FRS2: variants seen among roughly 807,000 people sequenced by gnomAD.
The protein encoded by FRS2 is fibroblast growth factor receptor substrate 2, also known as FGFR signalling adaptor.
In FRS2, 8 loss-of-function variants were observed where a neutral mutation model predicts 43.9. The ratio of observed to expected loss-of-function variants is 0.18; its 90% confidence interval spans 0.11 to 0.33. The LOEUF (loss-of-function observed/expected upper bound fraction) is 0.33, where lower values mean the gene tolerates loss of function less well. Among genes scored for constraint, FRS2 ranks in the 10% least tolerant of loss-of-function variants. The pLI, the probability that FRS2 is intolerant of heterozygous loss-of-function variation, is 1.00. For missense variants in FRS2, 534 were observed against 627.6 expected (o/e 0.85, Z 1.59); for synonymous variants, 219 against 220.3 (o/e 0.99, Z 0.05).
At chr12:69,490,290 A>G (rs1872354739) in intron 1 of FRS2, among the ~76,000 whole-genome samples, 1 of 152,216 alleles carries the variant, frequency 6.6e-6, no homozygotes, top group African/African-American at 2.4e-5. Context: ...AACATTTAAA[A>G]ATTAGCTTGA....
In FRS2 at chr12:69,577,987, T is replaced by TC. The variant is rs573232647; in HGVS notation, c.*3037dup. On this transcript the variant is annotated 3_prime_UTR_variant, in exon 9 of 9. Coordinates refer to ENST00000549921, the MANE Select transcript of FRS2 (RefSeq NM_001278356.2). The stretch of plus-strand genomic sequence containing the variant: ...ACAAGTCAAGCTAGTGTTTATCTCC[T>TC]CCCCCTCCCCAAAACTGTGGCACAG... 11 of 152,430 alleles carry TC rather than the reference T, an allele frequency of 7.2e-5. No individual in the cohort carries two copies. The highest frequency in any genetic ancestry group is 1.3e-4 in the Non-Finnish European group (9 of 67,968). The allele number at this position is 152,430 out of a possible 1,614,324, so 9.4% of individuals were successfully genotyped here. A position where few individuals can be genotyped will look rare whatever the true frequency, so the allele number is the denominator to read the frequency against.
intron 3 of FRS2, among the ~76,000 whole-genome samples, chr12:69,552,848 C>T (rs1224206256): frequency 6.6e-6 from 1 of 150,710 alleles, no homozygotes; most frequent in Non-Finnish European, 1.5e-5. Flanking sequence ...GCCAAGATCG[C>T]ACTGTTGCGC....
In FRS2 at chr12:69,579,195, C is replaced by CT. The variant is rs1881393345; in HGVS notation, c.*4245dup. 1 of 152,572 alleles carries CT rather than the reference C, an allele frequency of 6.6e-6. No individual in the cohort carries two copies. The highest frequency in any genetic ancestry group is 2.4e-5 in the African/African-American group (1 of 41,430). The allele number at this position is 152,572 out of a possible 1,614,324, so 9.5% of individuals were successfully genotyped here. On this transcript the variant is annotated 3_prime_UTR_variant, in exon 9 of 9. Transcript: ENST00000549921. Reference sequence around the variant, plus strand: ...ACTTTTACACTGAGGCCGAGTGTGGCTTTTTGGAGGAAGTGGGGATGGGAC... The same window carrying CT: ...ACTTTTACACTGAGGCCGAGTGTGGCTTTTTTGGAGGAAGTGGGGATGGGAC...
At chr12:69,557,622 GCGCGCGCGCGCGCGCAGGTGCATGCA>G (rs1483393176) in intron 3 of FRS2, among the ~76,000 whole-genome samples, 10 of 140,796 alleles carry the variant, frequency 7.1e-5, no homozygotes, top group African/African-American at 1.6e-4. Flanking sequence ...GTGTGTGTGC[GCGCGCGCGCGCGCGCAGGTGCATGCA>G]CGCTAGGATT....
rs1480984247 is a variant in FRS2, at chr12:69,574,267, G to A, written c.839G>A (p.Gly280Glu). 2 of 1,614,078 alleles carry A rather than the reference G, an allele frequency of 1.2e-6. No homozygotes were observed. Among genetic ancestry groups the A allele is most frequent in the African/African-American group, 2.7e-5 (2 of 74,934 alleles). The change falls in exon 9 of 9, where the codon GGA (glycine) becomes GAA (glutamate). Residue 280 changes from glycine (G) to glutamate (E), a missense_variant. By Grantham distance (98) the Gly-to-Glu change is moderately conservative (BLOSUM62 -2). This residue lies in a region of FRS2 where 446 missense variants were observed against 494.2 expected (regional missense o/e 0.90). Coordinates refer to ENST00000549921, the MANE Select transcript of FRS2 (RefSeq NM_001278356.2). ...GGAAGAGATCAAGTTAGTGGAAGTGGAGCAAATAACACAGAATGGGACACT... is the reference window on the plus strand; with the variant it reads ...GGAAGAGATCAAGTTAGTGGAAGTGAAGCAAATAACACAGAATGGGACACT... ...QLGRDQVSGSGANNTEWDTGY... is the reference protein window; with the variant it reads ...QLGRDQVSGSEANNTEWDTGY...
intron 1 of FRS2, among the ~76,000 whole-genome samples, chr12:69,525,293 A>C (rs1324972241): frequency 6.6e-6 from 1 of 151,980 alleles, no homozygotes; most frequent in African/African-American, 2.4e-5. Context: ...TGCATTATTC[A>C]TACTGTTTGT....
chr12:69,498,519 T>TTGTGTGTTTGTGTGTGTGTGTG (rs1873118540), intron 1 of FRS2, among the ~76,000 whole-genome samples: 1 of 141,502 alleles, frequency 7.1e-6, no homozygotes, highest in Non-Finnish European at 1.5e-5. Flanking sequence ...TTATGAGGGT[T>TTGTGTGTTTGTGTGTGTGTGTG]TGTGTGTGTG....
intron 1 of FRS2, among the ~76,000 whole-genome samples, chr12:69,486,725 A>G (rs923911421): frequency 6.6e-6 from 1 of 152,254 alleles, no homozygotes; most frequent in Non-Finnish European, 1.5e-5. Flanking sequence ...GTGAACATCC[A>G]GATGATAAGA....
At chr12:69,544,319 A>G (rs1428482502) in intron 3 of FRS2, among the ~76,000 whole-genome samples, 1 of 152,176 alleles carries the variant, frequency 6.6e-6, no homozygotes, top group Non-Finnish European at 1.5e-5. Context: ...AAAAGAATGA[A>G]TGGGAGAAAA....
At chr12:69,497,782 C>G (rs221105) in intron 1 of FRS2, among the ~76,000 whole-genome samples, 14,205 of 152,180 alleles carry the variant, frequency 0.093, 875 homozygotes, top group Non-Finnish European at 0.14. Flanking sequence ...TTACTGTATT[C>G]AAGGAACTGC....
intron 1 of FRS2, among the ~76,000 whole-genome samples, chr12:69,505,059 A>G (rs1032171637): frequency 6.6e-6 from 1 of 152,198 alleles, no homozygotes; most frequent in Non-Finnish European, 1.5e-5. Flanking sequence ...GAGTCTCAGT[A>G]TATTGCTTTG....
chr12:69,558,342 A>G (rs1251954803), intron 3 of FRS2, among the ~76,000 whole-genome samples: 2 of 152,234 alleles, frequency 1.3e-5, no homozygotes, highest in African/African-American at 4.8e-5. Context: ...TTCTGCCTCC[A>G]TGGGAAAGTA....
intron 1 of FRS2, among the ~76,000 whole-genome samples, chr12:69,509,510 AGT>A (rs889088264): frequency 6.6e-6 from 1 of 152,226 alleles, no homozygotes; most frequent in African/African-American, 2.4e-5. Flanking sequence ...TAAGTACATT[AGT>A]GTGCAATAAT....
At chr12:69,473,635 G>A (rs1057392033) in intron 1 of FRS2, among the ~76,000 whole-genome samples, 10 of 152,172 alleles carry the variant, frequency 6.6e-5, no homozygotes, top group Admixed American at 2.6e-4. Context: ...AAAGTTCGAC[G>A]TTTGGGAGGT....
At chr12:69,548,145 A>G (rs545826743) in intron 3 of FRS2, among the ~76,000 whole-genome samples, 16 of 152,288 alleles carry the variant, frequency 1.1e-4, no homozygotes, top group Admixed American at 5.2e-4. Flanking sequence ...AAGCCACTGC[A>G]CCAAGCTCCT....
At chr12:69,471,483 A>G (rs1363298719) in intron 1 of FRS2, among the ~76,000 whole-genome samples, 1 of 152,192 alleles carries the variant, frequency 6.6e-6, no homozygotes, top group Non-Finnish European at 1.5e-5. Flanking sequence ...GATTCCTTAC[A>G]CTGTTAAAAT....
Position 69,572,202 on chromosome 12 carries a change from G to A in FRS2, c.497G>A (p.Arg166Lys), listed in dbSNP as rs1441549169. Residue 166 changes from arginine (R) to lysine (K), a missense_variant, in exon 8 of 9, where the codon AGA (arginine) becomes AAA (lysine). Physicochemically the swap from Arg to Lys is conservative, Grantham distance 26. This residue lies in a region of FRS2 where 446 missense variants were observed against 494.2 expected (regional missense o/e 0.90). Transcript: ENST00000549921. Reference protein sequence around the residue: ...FGDASSHPSSRHPSVGSARLP... With the variant: ...FGDASSHPSSKHPSVGSARLP... ...GATGCTTCATCCCATCCGTCAAGCA[G>A]ACATCCTTCTGTGGGAAGTGCTCGC... The A allele has an allele frequency of 1.2e-6, 2 of 1,613,342 alleles. No individual in the cohort carries two copies. Among genetic ancestry groups the A allele is most frequent in the African/African-American group, 2.7e-5 (2 of 74,892 alleles).
At chr12:69,497,507 A>G (rs1336278391) in intron 1 of FRS2, among the ~76,000 whole-genome samples, 1 of 152,138 alleles carries the variant, frequency 6.6e-6, no homozygotes, top group South Asian at 2.1e-4. Context: ...AAGGGCACTA[A>G]TCCCATTCAT....
At chr12:69,492,962 A>G (rs986204964) in intron 1 of FRS2, among the ~76,000 whole-genome samples, 4 of 152,196 alleles carry the variant, frequency 2.6e-5, no homozygotes, top group Admixed American at 2.6e-4. Flanking sequence ...CCTTTAATTT[A>G]GTTTAAAACT....
Sources: gnomAD v4.1 joint callset for allele counts (sites outside exome capture counted in the v4.1 genomes callset) on GRCh38, gnomAD v4.1.1 for gene constraint, gnomAD v4.1.1 regional missense constraint, MANE v1.5 for transcripts, NCBI Gene and HGNC (gene_info 2026-07-23, HGNC 2026-07-21) for gene names.